Variants in MRPS35 observed in about 807,000 individuals in gnomAD.
MRPS35 encodes the protein mitochondrial ribosomal protein S35.
MRPS35 carries 29 observed loss-of-function variants against 32.7 expected under a neutral mutation model. That is an observed-to-expected ratio of 0.89 (90% CI 0.66 to 1.21). The LOEUF is 1.21. MRPS35 is among the 50% of genes most tolerant of loss of function. MRPS35 has a pLI of 0.00. For synonymous variants in MRPS35, 148 were observed against 139.3 expected, an observed-to-expected ratio of 1.06 and a Z score of -0.44; for missense variants, 373 against 383.8, an observed-to-expected ratio of 0.97 and a Z score of 0.23.
At chr12:27,728,127 G>A (rs1158492829) in intron 5 of MRPS35, among the ~76,000 whole-genome samples, 3 of 152,008 alleles carry the variant, frequency 2.0e-5, no homozygotes, top group African/African-American at 7.3e-5. Flanking sequence ...CTGGGGTCCA[G>A]CTTCATTCTT....
chr12:27,730,493 C>G (rs1046847930), intron 5 of MRPS35, among the ~76,000 whole-genome samples: 3 of 152,130 alleles, frequency 2.0e-5, no homozygotes, highest in Non-Finnish European at 4.4e-5. Context: ...CTGTCACTTA[C>G]GCTGGAGTGC....
chr12:27,743,770 T>C (rs2061972339), intron 7 of MRPS35, among the ~76,000 whole-genome samples: 1 of 152,174 alleles, frequency 6.6e-6, no homozygotes, highest in African/African-American at 2.4e-5. Flanking sequence ...TTCTCACAGT[T>C]CTAGAGGCTG....
chr12:27,751,433 G>A (rs923279181), intron 7 of MRPS35, among the ~76,000 whole-genome samples: 11 of 152,332 alleles, frequency 7.2e-5, no homozygotes, highest in African/African-American at 2.2e-4. Context: ...GCAGGTGAAA[G>A]ATAGTTTTAT....
intron 7 of MRPS35, 51 bp from the exon 8 acceptor site, chr12:27,755,130 G>T: frequency 2.1e-6 from 3 of 1,425,890 alleles, no homozygotes; most frequent in South Asian, 2.9e-5. Context: ...ACAAACATTT[G>T]ATATTTCTCA....
chr12:27,739,737 A>G (rs2061956416), intron 7 of MRPS35, among the ~76,000 whole-genome samples: 3 of 152,252 alleles, frequency 2.0e-5, no homozygotes, highest in Admixed American at 1.3e-4. Flanking sequence ...AGATTTAATA[A>G]CTAACAATAA....
intron 7 of MRPS35, among the ~76,000 whole-genome samples, chr12:27,754,539 GAAT>G (rs2062018552): frequency 6.6e-6 from 1 of 151,884 alleles, no homozygotes; most frequent in Non-Finnish European, 1.5e-5. Context: ...GGCCGTGGCA[GAAT>G]AATCACTTGA....
intron 6 of MRPS35, 102 bp from the exon 7 acceptor site, chr12:27,737,437 C>A: frequency 1.3e-6 from 1 of 780,698 alleles, no homozygotes; most frequent in Non-Finnish European, 2.2e-6. Flanking sequence ...AAAGGAATAC[C>A]TGAAAACATT....
chr12:27,740,627 G>GTAGCTGCTAATTT (rs2140776391), intron 7 of MRPS35, among the ~76,000 whole-genome samples: 1 of 152,346 alleles, frequency 6.6e-6, no homozygotes, highest in South Asian at 2.1e-4. Context: ...TGAGGGGAAA[G>GTAGCTGCTAATTT]TAGCTGCTAA....
intron 4 of MRPS35, among the ~76,000 whole-genome samples, chr12:27,722,948 A>T (rs2061882789): frequency 1.3e-5 from 2 of 152,222 alleles, no homozygotes; most frequent in Admixed American, 6.5e-5. Flanking sequence ...TTGGCAAAAT[A>T]GTTCTCACTG....
chr12:27,724,327 C>A, intron 5 of MRPS35, 141 bp downstream of exon 5: 1 of 665,758 alleles, frequency 1.5e-6, no homozygotes, highest in Non-Finnish European at 2.2e-6. Flanking sequence ...TTGCTTGAGC[C>A]CAGGAATTTG....
chr12:27,737,553 G>A lies in MRPS35; in HGVS notation c.647G>A (p.Arg216Lys). ...TIKTDRCPLRRQNYDYAVYLL... is the reference protein window; with the variant it reads ...TIKTDRCPLRKQNYDYAVYLL... ...CTCTTTAATAGGTGCCCTTTAAGGA[G>A]GCAGAATTACGATTATGCAGTGTAT... The change falls in exon 7 of 8, where the codon AGG (arginine) becomes AAG (lysine). Residue 216 changes from arginine (R) to lysine (K), a missense_variant. Physicochemically the swap from Arg to Lys is conservative, Grantham distance 26. Coordinates refer to ENST00000081029, the MANE Select transcript of MRPS35 (RefSeq NM_021821.4). 6.2e-7 allele frequency: 1 copy of A among 1,612,386 alleles called. No homozygotes were observed.
chr12:27,736,204 C>T (rs1252854340), intron 6 of MRPS35, among the ~76,000 whole-genome samples: 1 of 152,270 alleles, frequency 6.6e-6, no homozygotes, highest in East Asian at 1.9e-4. Flanking sequence ...TGCTGTCTTC[C>T]TGCTCATCCC....
In MRPS35 at chr12:27,724,091, T is replaced by A; in HGVS notation, c.427T>A (p.Cys143Ser). The A allele has an allele frequency of 1.2e-6, 2 of 1,612,714 alleles. No individual in the cohort carries two copies. The highest frequency in any genetic ancestry group is 1.7e-6 in the Non-Finnish European group (2 of 1,179,688). ...AGCCGCACTGGACAGTGACGAGAAA[T>A]GTGAGAAGCATTTTCCAATTGAAAT... is the stretch of plus-strand genomic sequence containing the variant. ...WPAALDSDEK[C>S]EKHFPIEIDS... The change falls in exon 5 of 8, where the codon TGT (cysteine) becomes AGT (serine). Residue 143 changes from cysteine (C) to serine (S), a missense_variant. Cys to Ser is a moderately radical substitution (Grantham distance 112). Transcript: ENST00000081029.
chr12:27,738,788 A>C (rs979181082), intron 7 of MRPS35, among the ~76,000 whole-genome samples: 1 of 152,172 alleles, frequency 6.6e-6, no homozygotes, highest in African/African-American at 2.4e-5. Context: ...AAAAGAAGTA[A>C]AGAAAAATAG....
chr12:27,715,477 T>C (rs1185587536), intron 2 of MRPS35, among the ~76,000 whole-genome samples: 1 of 152,218 alleles, frequency 6.6e-6, no homozygotes, highest in Non-Finnish European at 1.5e-5. Context: ...GGCCGTATTC[T>C]AACTAGTTGA....
intron 5 of MRPS35, among the ~76,000 whole-genome samples, chr12:27,734,863 T>C (rs2061936958): frequency 1.3e-5 from 2 of 152,190 alleles, no homozygotes; most frequent in Admixed American, 6.5e-5. Context: ...AAAAAATTCT[T>C]CTTAGCCTGT....
chr12:27,711,632 A>G (rs560786362), intron 1 of MRPS35, among the ~76,000 whole-genome samples: 53 of 152,050 alleles, frequency 3.5e-4, no homozygotes, highest in Middle Eastern at 6.8e-3. Flanking sequence ...TACTCTCCTC[A>G]TACTACCAAC....
rs35475802 is a variant in MRPS35, at chr12:27,710,859, C to G, written c.16C>G (p.Leu6Val). MAAAA[L>V]PAWLSLQSRA... is the part of the protein sequence containing the mutation. The stretch of plus-strand genomic sequence containing the variant: ...CCTCGCAGCCATGGCGGCCGCCGCG[C>G]TCCCAGCATGGCTGTCTCTGCAGTC... Residue 6 changes from leucine (L) to valine (V), a missense_variant, in exon 1 of 8, where the codon CTC (leucine) becomes GTC (valine). Transcript: ENST00000081029. The G allele has an allele frequency of 1.2e-6, 2 of 1,608,468 alleles. No individual in the cohort carries two copies. The highest frequency in any genetic ancestry group is 1.3e-5 in the African/African-American group (1 of 74,882).
chr12:27,734,677 G>A (rs577666128), intron 5 of MRPS35, among the ~76,000 whole-genome samples: 3 of 152,222 alleles, frequency 2.0e-5, no homozygotes, highest in East Asian at 1.9e-4. Flanking sequence ...GTTGTGAACC[G>A]TTCCTTGAAA....
Sources: gnomAD v4.1 joint callset for allele counts (sites outside exome capture counted in the v4.1 genomes callset) on GRCh38, gnomAD v4.1.1 for gene constraint, MANE v1.5 for transcripts, NCBI Gene and HGNC (gene_info 2026-07-23, HGNC 2026-07-21) for gene names.